CSTF2: variants seen among roughly 807,000 people sequenced by gnomAD.
CSTF2 encodes the protein CF-1 64 kDa subunit.
CSTF2 carries 8 observed loss-of-function variants against 45.4 expected under a neutral mutation model. That is an observed-to-expected ratio of 0.18 (90% CI 0.10 to 0.32). The LOEUF is 0.32. Ranked by LOEUF, CSTF2 falls within the 10% of genes least tolerant of loss-of-function variation. The pLI is 1.00. For missense variants in CSTF2, 253 were observed against 477.1 expected, an observed-to-expected ratio of 0.53 and a Z score of 4.38; for synonymous variants, 155 against 158.9, an observed-to-expected ratio of 0.98 and a Z score of 0.18.
At chrX:100,826,844 G>A (rs2084948050) in intron 7 of CSTF2, 87 bp downstream of exon 7, 1 of 926,582 alleles carries the variant, frequency 1.1e-6, no homozygotes, top group Non-Finnish European at 1.5e-6. Flanking sequence ...ATGATAATGG[G>A]ATCCTTAGGT....
In CSTF2 at chrX:100,832,074, G is replaced by A. The variant is rs745775537; in HGVS notation, c.1031+418G>A. Among the ~76,000 whole-genome samples, 45 of 110,673 alleles carry A rather than the reference G, an allele frequency of 4.1e-4. 1 individual carries two copies. The highest frequency in any genetic ancestry group is 1.3e-3 in the African/African-American group (41 of 30,411). On this transcript the variant is annotated intron_variant, in intron 9 of 13. Transcript: ENST00000372972. ...TCTACTAAAAATAGAAAAATTAGCCGGGCGTGGTGGCGGGCGCCTATAATT... is the reference window on the plus strand; with the variant it reads ...TCTACTAAAAATAGAAAAATTAGCCAGGCGTGGTGGCGGGCGCCTATAATT...
At chrX:100,826,421 C>T (rs1374294012) in intron 6 of CSTF2, among the ~76,000 whole-genome samples, 2 of 109,384 alleles carry the variant, frequency 1.8e-5, no homozygotes, top group African/African-American at 3.3e-5. Context: ...CCATCTTAAC[C>T]GTGTTCCATA....
At chrX:100,839,937 T>C (rs1349186486) in intron 13 of CSTF2, among the ~76,000 whole-genome samples, 1 of 111,548 alleles carries the variant, frequency 9.0e-6, no homozygotes, top group Admixed American at 9.6e-5. Context: ...AAGGCAAAGT[T>C]TTTGTCTATT....
In CSTF2 at chrX:100,832,726, A is replaced by G; in HGVS notation, c.1032-8A>G. On this transcript the variant is annotated splice_region_variant and splice_polypyrimidine_tract_variant and intron_variant, in intron 9 of 13. Coordinates refer to ENST00000372972, the MANE Select transcript of CSTF2 (RefSeq NM_001325.3). ...ATTTTAAAATACAACGTTTTTCTCC[A>G]TCTCCAGAGGTTACTTGGGACCACC... 8.4e-7 allele frequency: 1 copy of G among 1,186,249 alleles called. No individual in the cohort carries two copies. Among genetic ancestry groups the G allele is most frequent in the East Asian group, 3.0e-5 (1 of 33,501 alleles).
chrX:100,826,104 C>T (rs1367097995), intron 6 of CSTF2, among the ~76,000 whole-genome samples: 1 of 110,703 alleles, frequency 9.0e-6, no homozygotes, highest in Non-Finnish European at 1.9e-5. Context: ...TTTTTCTCAA[C>T]GAGTTTTAAT....
rs200541035 is a variant in CSTF2 at position 100,829,523 on chromosome X, C to CAT, written c.889+1429_889+1430dup. Among the ~76,000 whole-genome samples the CAT allele has an allele frequency of 3.8e-3, 426 of 110,847 alleles. 2 individuals are homozygous for CAT. The highest frequency in any genetic ancestry group is 0.029 in the Admixed American group (303 of 10,368). On this transcript the variant is annotated intron_variant, in intron 8 of 13. Coordinates refer to ENST00000372972, the MANE Select transcript of CSTF2 (RefSeq NM_001325.3). ...ATATATATATATACACACACACACA[C>CAT]ATATATATACACACATACATACATA...
At position 100,821,571 on chromosome X, in the gene CSTF2, A is replaced by G. The variant is rs2084917852; in HGVS notation, c.103A>G (p.Ile35Val). 1 of 1,205,145 alleles carries G rather than the reference A, an allele frequency of 8.3e-7. No homozygotes were observed. Among genetic ancestry groups the G allele is most frequent in the African/African-American group, 1.8e-5 (1 of 56,892 alleles). Reference protein sequence around the residue: ...YEATEEQLKDIFSEVGPVVSF... With the variant: ...YEATEEQLKDVFSEVGPVVSF... The stretch of plus-strand genomic sequence containing the variant: ...AGCTACTGAAGAGCAGTTGAAGGAC[A>G]TCTTTTCTGAGGTTGGACCTGTTGT... The change falls in exon 2 of 14, where the codon ATC becomes GTC. Residue 35 changes from isoleucine to valine, a missense_variant. Ile to Val is a conservative substitution (Grantham distance 29). Coordinates refer to ENST00000372972, the MANE Select transcript of CSTF2 (RefSeq NM_001325.3).
rs763721458 is a variant in CSTF2, at chrX:100,841,011, C to A, written c.*301C>A. The A allele has an allele frequency of 1.8e-5, 2 of 112,670 alleles. No individual in the cohort carries two copies. Among genetic ancestry groups the A allele is most frequent in the Non-Finnish European group, 3.7e-5 (2 of 53,341 alleles). The allele number at this position is 112,670 out of a possible 1,213,427, so 9.3% of individuals were successfully genotyped here. ...ACCTTAGATGTGTTTTCTACCCTTA[C>A]TGCAGTATTGTACTTTAACATATTG... is the stretch of plus-strand genomic sequence containing the variant. On this transcript the variant is annotated 3_prime_UTR_variant, in exon 14 of 14. Coordinates refer to ENST00000372972, the MANE Select transcript of CSTF2 (RefSeq NM_001325.3).
At chrX:100,833,528 T>G in intron 11 of CSTF2, 56 bp downstream of exon 11, 1 of 1,086,005 alleles carries the variant, frequency 9.2e-7, no homozygotes, top group Non-Finnish European at 1.2e-6. Context: ...ATTCAGGAAT[T>G]GATTATTGAG....
At chrX:100,825,288 A>T (rs968728482) in intron 6 of CSTF2, among the ~76,000 whole-genome samples, 1 of 111,565 alleles carries the variant, frequency 9.0e-6, no homozygotes, top group South Asian at 3.8e-4. Context: ...TTTATTTTCT[A>T]TATGATTTGT....
At chrX:100,822,712 C>T in intron 3 of CSTF2, 1 of 336,392 alleles carries the variant, frequency 3.0e-6, no homozygotes, top group South Asian at 3.3e-5. Flanking sequence ...TGTAGGGATG[C>T]ATAGGGTCAC....
intron 11 of CSTF2, among the ~76,000 whole-genome samples, chrX:100,836,707 T>C (rs1330091267): frequency 8.9e-6 from 1 of 112,185 alleles, no homozygotes; most frequent in Non-Finnish European, 1.9e-5. Flanking sequence ...CTTGGTTTTT[T>C]CACTCCAGTC....
chrX:100,824,358 A>G (rs1202571648), intron 6 of CSTF2, 101 bp downstream of exon 6: 2 of 921,395 alleles, frequency 2.2e-6, no homozygotes, highest in East Asian at 7.0e-5. Flanking sequence ...ACCAGAGATG[A>G]TAATTTCAAT....
At chrX:100,828,127 A>G (rs765213897) in intron 8 of CSTF2, 25 bp downstream of exon 8, 2 of 1,143,000 alleles carry the variant, frequency 1.7e-6, no homozygotes, top group African/African-American at 1.8e-5. Flanking sequence ...ATGTCTGACT[A>G]ATGTTAATTG....
intron 6 of CSTF2, 61 bp downstream of exon 6, chrX:100,824,318 G>C: frequency 9.5e-7 from 1 of 1,050,288 alleles, no homozygotes; most frequent in Non-Finnish European, 1.3e-6. Context: ...TTCTTTTTAG[G>C]AGAATATATT....
chrX:100,840,388 A>T (rs1352042329), intron 13 of CSTF2, among the ~76,000 whole-genome samples: 1 of 111,762 alleles, frequency 8.9e-6, no homozygotes, highest in Middle Eastern at 4.2e-3. Context: ...GGAGTATGGC[A>T]TGCTACTGGC....
intron 8 of CSTF2, among the ~76,000 whole-genome samples, chrX:100,828,990 C>T (rs1454081139): frequency 9.0e-6 from 1 of 111,707 alleles, no homozygotes; most frequent in Non-Finnish European, 1.9e-5. Flanking sequence ...AGTGGCAGAG[C>T]TAAGATTCAG....
Position 100,833,301 on chromosome X carries a change from TGCAATGGAGGCCCGA to T in CSTF2, c.1332_1346del (p.Ala452_Glu456del), listed in dbSNP as rs2084987674. 8.3e-7 allele frequency: 1 copy of T among 1,205,509 alleles called. No homozygotes were observed. Among genetic ancestry groups the T allele is most frequent in the South Asian group, 1.8e-5 (1 of 56,260 alleles). ...TGGAGGCCCGTGCGATGGAAGCTCG[TGCAATGGAGGCCCGA>T]GCGATGGAGGCCCGTGCAATGGAAG... On this transcript the variant is annotated inframe_deletion, in exon 11 of 14. Coordinates refer to ENST00000372972, the MANE Select transcript of CSTF2 (RefSeq NM_001325.3).
intron 9 of CSTF2, among the ~76,000 whole-genome samples, chrX:100,832,033 A>G (rs970683009): frequency 9.0e-6 from 1 of 111,009 alleles, no homozygotes; most frequent in Non-Finnish European, 1.9e-5. Context: ...CCTGGCCTAC[A>G]TGGTGAAATC....
Sources: gnomAD v4.1 joint callset for allele counts (sites outside exome capture counted in the v4.1 genomes callset) on GRCh38, gnomAD v4.1.1 for gene constraint, MANE v1.5 for transcripts, NCBI Gene and HGNC (gene_info 2026-07-23, HGNC 2026-07-21) for gene names.